Variants in FUT8 observed in about 807,000 individuals in gnomAD.
FUT8 encodes the protein fucosyltransferase 8.
In FUT8, 29 loss-of-function variants were observed where a neutral mutation model predicts 71.3. The ratio of observed to expected loss-of-function variants is 0.41; its 90% CI spans 0.30 to 0.55. The LOEUF is 0.55. Ranked by LOEUF, FUT8 falls within the 20% of genes least tolerant of loss-of-function variation. The probability of loss-of-function intolerance (pLI) is 0.34; values close to 1 mark genes in which losing one functional copy is unlikely to be tolerated. For synonymous variants in FUT8, 254 were observed against 239.3 expected (o/e 1.06, Z -0.57); for missense variants, 544 against 702.1 (o/e 0.77, Z 2.55).
In FUT8 at chr14:65,674,211, A is replaced by G. The variant is rs1047515709; in HGVS notation, c.835+4731A>G. Reference sequence around the variant, plus strand: ...AATTGTATTAATAGAAACTTAAAACAAGTACATTTACTATTTTTGATCCCT... The same window carrying G: ...AATTGTATTAATAGAAACTTAAAACGAGTACATTTACTATTTTTGATCCCT... On this transcript the variant is annotated intron_variant, in intron 7 of 10. Coordinates refer to ENST00000673929, the MANE Select transcript of FUT8 (RefSeq NM_001371533.1). Among the ~76,000 whole-genome samples, 4 of 152,178 alleles carry G rather than the reference A, an allele frequency of 2.6e-5. No individual in the cohort carries two copies. The East Asian group carries it at 7.7e-4, about 29-fold the overall frequency.
At chr14:65,553,430 G>GC (rs1257432973) in intron 2 of FUT8, among the ~76,000 whole-genome samples, 2 of 151,886 alleles carry the variant, frequency 1.3e-5, no homozygotes, top group African/African-American at 4.8e-5. Flanking sequence ...GAGTTTAACA[G>GC]CTTTTTATCT....
Position 65,652,618 on chromosome 14 carries a change from A to G in FUT8, c.598-16625A>G, listed in dbSNP as rs1382863235. ...CTTCTGATTTTCTTATTAGGTAAAC[A>G]ACGTGTTCTTAGTGCTTAAGCACTT... On this transcript the variant is annotated intron_variant, in intron 6 of 10. Transcript: ENST00000673929. The surrounding 1 kb of genome is among the most constrained non-coding windows in gnomAD (Gnocchi z 4.0). Among the ~76,000 whole-genome samples the G allele has an allele frequency of 6.6e-6, 1 of 152,134 alleles. No individual in the cohort carries two copies. Among genetic ancestry groups the G allele is most frequent in the African/African-American group, 2.4e-5 (1 of 41,428 alleles).
chr14:65,389,157 C>T, the FUT8 span, among the ~76,000 whole-genome samples: 1 of 150,484 alleles, frequency 6.6e-6, no homozygotes, highest in African/African-American at 2.4e-5. Context: ...CTGTACCTGA[C>T]ATACTATATA....
the FUT8 span, among the ~76,000 whole-genome samples, chr14:65,360,728 T>C: frequency 1.3e-5 from 2 of 152,222 alleles, no homozygotes; most frequent in African/African-American, 4.8e-5. Context: ...AGTTGGCTTA[T>C]AGCCCTCAAA....
chr14:65,586,642 A>G (rs1337443575), intron 3 of FUT8, among the ~76,000 whole-genome samples: 1 of 152,246 alleles, frequency 6.6e-6, no homozygotes, highest in Non-Finnish European at 1.5e-5. Flanking sequence ...AATTTAAAAT[A>G]TAAAGACATT....
chr14:65,428,892 C>G (rs1384609348), intron 1 of FUT8, among the ~76,000 whole-genome samples: 1 of 152,118 alleles, frequency 6.6e-6, no homozygotes, highest in Admixed American at 6.5e-5. Flanking sequence ...AAGCTGCACT[C>G]AAGGTAGTCA....
chr14:65,600,766 CA>C (rs1357230383), intron 3 of FUT8, among the ~76,000 whole-genome samples: 2 of 152,056 alleles, frequency 1.3e-5, no homozygotes, highest in East Asian at 3.8e-4. Flanking sequence ...ATGGAATGAG[CA>C]AATAAGTAAG....
chr14:65,705,469 T>C (rs1254967820), intron 7 of FUT8, among the ~76,000 whole-genome samples: 1 of 152,210 alleles, frequency 6.6e-6, no homozygotes, highest in East Asian at 1.9e-4. Context: ...CCCTCATCCC[T>C]CTAAAGGTCT....
At chr14:65,522,912 T>A (rs944992520) in intron 2 of FUT8, among the ~76,000 whole-genome samples, 3 of 152,218 alleles carry the variant, frequency 2.0e-5, no homozygotes. Context: ...TCATCCTTTT[T>A]TATGGCTGCA....
At chr14:65,582,488 A>G (rs909016973) in intron 3 of FUT8, among the ~76,000 whole-genome samples, 2 of 152,130 alleles carry the variant, frequency 1.3e-5, no homozygotes, top group African/African-American at 4.8e-5. Flanking sequence ...TTACTATTTT[A>G]CTGATTCAGC....
chr14:65,569,824 T>C lies in FUT8; in HGVS notation c.203+8058T>C, dbSNP rs988354531. Reference sequence around the variant, plus strand: ...TACAGAGGCTTTTCTCTGTTGGAGATTGGGCTTAATATTTCAATCCAGTAC... The same window carrying C: ...TACAGAGGCTTTTCTCTGTTGGAGACTGGGCTTAATATTTCAATCCAGTAC... On this transcript the variant is annotated intron_variant, in intron 3 of 10. Transcript: ENST00000673929. Among the ~76,000 whole-genome samples, 141 of 152,130 alleles carry C rather than the reference T, an allele frequency of 9.3e-4. 1 individual carries two copies. The highest frequency in any genetic ancestry group is 2.9e-3 in the African/African-American group (122 of 41,562).
rs574001912 is a variant in FUT8, at chr14:65,486,470, T to C, written c.-228+30752T>C. On this transcript the variant is annotated intron_variant, in intron 2 of 10. Transcript: ENST00000673929. ...AATACTTAAGCCTTATTGGTGAACA[T>C]ATAGGAAGAGGTGGAAATAAGAGAT... Among the ~76,000 whole-genome samples the C allele has an allele frequency of 6.6e-5, 10 of 152,246 alleles. No homozygotes were observed. The East Asian group carries it at 1.7e-3, about 26-fold the overall frequency.
At chr14:65,527,751 T>C (rs774095186) in intron 2 of FUT8, among the ~76,000 whole-genome samples, 7 of 152,226 alleles carry the variant, frequency 4.6e-5, no homozygotes, top group Admixed American at 1.3e-4. Flanking sequence ...TTCTGTTTGT[T>C]AGTTTTCTAA....
intron 2 of FUT8, among the ~76,000 whole-genome samples, chr14:65,490,681 A>G (rs377094314): frequency 2.6e-5 from 4 of 152,088 alleles, no homozygotes; most frequent in Admixed American, 1.3e-4. Flanking sequence ...ATACACATCT[A>G]TGTCACATCC....
chr14:65,436,005 T>C (rs1290066264), intron 1 of FUT8, among the ~76,000 whole-genome samples: 1 of 150,288 alleles, frequency 6.7e-6, no homozygotes, highest in Non-Finnish European at 1.5e-5. Flanking sequence ...CATCACTCAC[T>C]GTAGCCTCAG....
chr14:65,469,762 C>T (rs186656931), intron 2 of FUT8, among the ~76,000 whole-genome samples: 173 of 152,318 alleles, frequency 1.1e-3, no homozygotes, highest in African/African-American at 3.8e-3. Flanking sequence ...GACGATAGCT[C>T]CTCTCTGCAG....
At position 65,611,193 on chromosome 14, in the gene FUT8, ACACACGCGCGCGCGCG is replaced by A. The variant is rs1235382050; in HGVS notation, c.204-4783_204-4768del. Reference sequence around the variant, plus strand: ...TACATTTTAAGTGTCATACACACACACACACGCGCGCGCGCGCGCGCGCGCGCGCGCACACACACAC... The same window carrying A: ...TACATTTTAAGTGTCATACACACACACGCGCGCGCGCGCGCACACACACAC... On this transcript the variant is annotated intron_variant, in intron 3 of 10. Transcript: ENST00000673929. 1.8e-3 allele frequency among the ~76,000 whole-genome samples: 6 copies of A among 3,424 alleles called. 1 individual carries two copies. The highest frequency in any genetic ancestry group is 5.3e-3 in the East Asian group (1 of 190). The allele number at this position is 3,424 out of a possible 152,430, so 2.2% of individuals were successfully genotyped here. A position where few individuals can be genotyped will look rare whatever the true frequency, so the allele number is the denominator to read the frequency against.
At chr14:65,505,456 G>A (rs2066715832) in intron 2 of FUT8, among the ~76,000 whole-genome samples, 1 of 151,690 alleles carries the variant, frequency 6.6e-6, no homozygotes, top group South Asian at 2.1e-4. Context: ...GGGACTACAG[G>A]TGCCCGCCAC....
intron 2 of FUT8, among the ~76,000 whole-genome samples, chr14:65,511,665 T>C (rs552358511): frequency 1.3e-5 from 2 of 152,370 alleles, no homozygotes; most frequent in South Asian, 4.1e-4. Flanking sequence ...TGTCTCTTCT[T>C]ACAGTTTTTG....
Sources: gnomAD v4.1 joint callset for allele counts (sites outside exome capture counted in the v4.1 genomes callset) on GRCh38, gnomAD v4.1.1 for gene constraint, Gnocchi (gnomAD v3.1) non-coding constraint, MANE v1.5 for transcripts, NCBI Gene and HGNC (gene_info 2026-07-23, HGNC 2026-07-21) for gene names.